LCOR: variants seen among roughly 807,000 people sequenced by gnomAD.
The protein encoded by LCOR is ligand-dependent corepressor.
In LCOR, 14 loss-of-function variants were observed where a neutral mutation model predicts 64.4. That is an observed-to-expected ratio of 0.22 (90% CI 0.14 to 0.34). LCOR has a LOEUF of 0.34. LCOR is among the 10% of genes least tolerant of loss of function. The probability of loss-of-function intolerance (pLI) is 1.00; values close to 1 mark genes in which losing one functional copy is unlikely to be tolerated. For missense variants in LCOR, 1,686 were observed against 1,765.3 expected, an observed-to-expected ratio of 0.96 and a Z score of 0.80; for synonymous variants, 643 against 642.5, an observed-to-expected ratio of 1.00 and a Z score of -0.01.
chr10:96,901,884 G>A (rs537436676), intron 2 of LCOR, among the ~76,000 whole-genome samples: 3 of 152,068 alleles, frequency 2.0e-5, no homozygotes, highest in South Asian at 2.1e-4. Context: ...ATCTTACCAC[G>A]TCAGCCTCCC....
intron 4 of LCOR, among the ~76,000 whole-genome samples, chr10:96,935,380 C>G (rs1342146961): frequency 6.6e-6 from 1 of 151,928 alleles, no homozygotes; most frequent in African/African-American, 2.4e-5. Flanking sequence ...AATTCCTGAC[C>G]TCAGGTGATC....
chr10:96,896,052 A>C (rs932781317), intron 2 of LCOR, among the ~76,000 whole-genome samples: 1 of 152,208 alleles, frequency 6.6e-6, no homozygotes, highest in Non-Finnish European at 1.5e-5. Flanking sequence ...ATTACAACCC[A>C]GCCTGGGCAA....
intron 4 of LCOR, among the ~76,000 whole-genome samples, chr10:96,918,372 A>G (rs1367033007): frequency 6.6e-6 from 1 of 152,152 alleles, no homozygotes; most frequent in Non-Finnish European, 1.5e-5. Context: ...TTGAGAGAAT[A>G]GGTTCTCAAG....
intron 2 of LCOR, among the ~76,000 whole-genome samples, chr10:96,851,521 G>C (rs1444612093): frequency 1.3e-5 from 2 of 151,976 alleles, no homozygotes; most frequent in Non-Finnish European, 2.9e-5. Flanking sequence ...TGGATGACGT[G>C]GTAAAATCAT....
intron 6 of LCOR, among the ~76,000 whole-genome samples, 196 bp from the exon 7 acceptor site, chr10:96,951,907 T>C (rs1279905034): frequency 6.6e-6 from 1 of 152,244 alleles, no homozygotes; most frequent in Non-Finnish European, 1.5e-5. Context: ...ATTTAGCCCT[T>C]GAGGATATTA....
intron 4 of LCOR, among the ~76,000 whole-genome samples, chr10:96,921,565 G>A (rs557671579): frequency 3.2e-4 from 49 of 152,242 alleles, no homozygotes; most frequent in African/African-American, 1.1e-3. Context: ...GGATCCAAGC[G>A]ATTCTTGTGC....
chr10:96,942,358 A>G (rs2134511598), intron 4 of LCOR, among the ~76,000 whole-genome samples: 1 of 152,134 alleles, frequency 6.6e-6, no homozygotes, highest in Admixed American at 6.5e-5. Context: ...CAGGAGAATC[A>G]GGCAGGGAGG....
At chr10:96,856,163 C>T (rs573390897) in intron 2 of LCOR, among the ~76,000 whole-genome samples, 49 of 151,658 alleles carry the variant, frequency 3.2e-4, no homozygotes, top group African/African-American at 1.1e-3. Context: ...CTCCGCCTCC[C>T]GGGTTCAAGC....
At position 96,991,925 on chromosome 10, in the gene LCOR, C is replaced by T. The variant is rs1230627428; in HGVS notation, c.*6791C>T. The T allele has an allele frequency of 1.3e-5, 2 of 150,742 alleles. No individual in the cohort carries two copies. Among genetic ancestry groups the T allele is most frequent in the Non-Finnish European group, 2.9e-5 (2 of 68,036 alleles). The allele number at this position is 150,742 out of a possible 1,614,324, so 9.3% of individuals were successfully genotyped here. On this transcript the variant is annotated 3_prime_UTR_variant, in exon 8 of 8. Coordinates refer to ENST00000421806, the MANE Select transcript of LCOR (RefSeq NM_001346516.2). ...AATTTGTCACATTGGAAGCATTTTT[C>T]TCTCAAAACTCTTTTCCTCTAGTAT...
intron 1 of LCOR, chr10:96,833,025 G>A (rs1463228019): frequency 1.6e-5 from 16 of 985,510 alleles, no homozygotes; most frequent in Non-Finnish European, 1.9e-5. Context: ...GCGCCTGACC[G>A]AGCCAAGTGG....
chr10:96,892,900 A>T (rs905211308), intron 2 of LCOR, among the ~76,000 whole-genome samples: 54 of 152,170 alleles, frequency 3.5e-4, no homozygotes, highest in African/African-American at 1.0e-3. Flanking sequence ...CTGCCTATTA[A>T]TTGGAGGCTT....
chr10:96,912,167 C>G (rs912850464), intron 4 of LCOR, among the ~76,000 whole-genome samples: 5 of 152,084 alleles, frequency 3.3e-5, no homozygotes, highest in Non-Finnish European at 7.4e-5. Flanking sequence ...CTCCTGACTT[C>G]AGGCAATCCA....
At chr10:96,958,227 C>T in intron 7 of LCOR, 1 of 1,332,026 alleles carries the variant, frequency 7.5e-7, no homozygotes, top group Non-Finnish European at 9.6e-7. Context: ...AAAGACATCA[C>T]TAAAGGCCCA....
intron 4 of LCOR, among the ~76,000 whole-genome samples, chr10:96,930,547 T>C (rs925141893): frequency 6.6e-6 from 1 of 152,204 alleles, no homozygotes; most frequent in Non-Finnish European, 1.5e-5. Context: ...CTCTCAGCAG[T>C]GTTTTTATAC....
Position 96,984,976 on chromosome 10 carries a change from AG to A in LCOR, c.4518del (p.Arg1506SerfsTer35). The A allele has an allele frequency of 6.2e-7, 1 of 1,614,204 alleles. No individual in the cohort carries two copies. ...GAAGGGGGCCGGTGAATCCTCTTCA[AG>A]GCCTCAGAAAGCCACGAATAGGAAG... ...KQKGAGESSS[R>X]PQKATNRKQS... On this transcript the variant is annotated frameshift_variant, in exon 8 of 8. Transcript: ENST00000421806. LOFTEE classifies it high-confidence loss of function.
In LCOR at chr10:96,979,572, T is replaced by TG. The variant is rs576501561; in HGVS notation, c.333-1220dup. Among the ~76,000 whole-genome samples the TG allele has an allele frequency of 1.9e-3, 283 of 152,316 alleles. 7 individuals carry two copies. Among genetic ancestry groups the TG allele is most frequent in the South Asian group, 1.9e-3 (9 of 4,828 alleles). ...TTAACATAGAATGATTTCTTGTGGT[T>TG]GATTGTAAAAGGTGTATTGAAGATC... is the stretch of plus-strand genomic sequence containing the variant. On this transcript the variant is annotated intron_variant, in intron 7 of 7. Coordinates refer to ENST00000421806, the MANE Select transcript of LCOR (RefSeq NM_001346516.2).
At chr10:96,839,049 C>G (rs1041374092) in intron 2 of LCOR, among the ~76,000 whole-genome samples, 1 of 152,068 alleles carries the variant, frequency 6.6e-6, no homozygotes, top group Non-Finnish European at 1.5e-5. Flanking sequence ...TTCAAAAAAA[C>G]AAGAAATAAA....
intron 4 of LCOR, among the ~76,000 whole-genome samples, chr10:96,917,753 C>T (rs1257144116): frequency 3.3e-5 from 5 of 151,926 alleles, no homozygotes; most frequent in East Asian, 3.8e-4. Context: ...AAGAGATGTG[C>T]GTAGAGAATC....
At chr10:96,955,182 A>T (rs1564637271) in intron 7 of LCOR, 3 of 1,614,168 alleles carry the variant, frequency 1.9e-6, no homozygotes, top group Non-Finnish European at 2.5e-6. Context: ...ACAACACTTA[A>T]TATTATCCAG....
Sources: gnomAD v4.1 joint callset for allele counts (sites outside exome capture counted in the v4.1 genomes callset) on GRCh38, gnomAD v4.1.1 for gene constraint, MANE v1.5 for transcripts, NCBI Gene and HGNC (gene_info 2026-07-23, HGNC 2026-07-21) for gene names.